BTRC: variants seen among roughly 807,000 people sequenced by gnomAD.
BTRC encodes beta-transducin repeat containing E3 ubiquitin protein ligase, also known as F-box/WD repeat-containing protein 1A.
In BTRC, 42 loss-of-function variants were observed where a neutral mutation model predicts 85.5. That is an observed-to-expected ratio of 0.49 (90% CI 0.38 to 0.64). The LOEUF (loss-of-function observed/expected upper bound fraction) is 0.64. Ranked by LOEUF, BTRC falls within the 30% of genes least tolerant of loss-of-function variation. The probability of loss-of-function intolerance (pLI) is 0.00; values close to 1 mark genes in which losing one functional copy is unlikely to be tolerated. For missense variants in BTRC, 594 were observed against 743.5 expected, an observed-to-expected ratio of 0.80 and a Z score of 2.34; for synonymous variants, 255 against 263.3, an observed-to-expected ratio of 0.97 and a Z score of 0.30.
At chr10:101,438,761 AT>A (rs1321052770) in intron 2 of BTRC, among the ~76,000 whole-genome samples, 1 of 152,222 alleles carries the variant, frequency 6.6e-6, no homozygotes, top group South Asian at 2.1e-4. Flanking sequence ...GCAGGTCATT[AT>A]TTTTTTAAGC....
At chr10:101,465,097 T>C (rs1214820010) in intron 3 of BTRC, among the ~76,000 whole-genome samples, 5 of 152,148 alleles carry the variant, frequency 3.3e-5, no homozygotes, top group Admixed American at 6.5e-5. Context: ...TGCTATTTTG[T>C]TTTTTTGTTT....
chr10:101,366,939 T>TATATATATTTATATATATATTTATATAA (rs1942442296), intron 1 of BTRC, among the ~76,000 whole-genome samples: 1 of 7,860 alleles, frequency 1.3e-4, no homozygotes. Flanking sequence ...TATATATATT[T>TATATATATTTATATATATATTTATATAA]ATATATATTT....
intron 1 of BTRC, among the ~76,000 whole-genome samples, chr10:101,401,002 A>G (rs556646843): frequency 2.6e-5 from 4 of 152,312 alleles, no homozygotes; most frequent in African/African-American, 9.6e-5. Context: ...ATCATCAGAA[A>G]TTGTGTAACC....
At chr10:101,427,866 T>C (rs1028179250) in intron 1 of BTRC, among the ~76,000 whole-genome samples, 16 of 152,196 alleles carry the variant, frequency 1.1e-4, no homozygotes, top group African/African-American at 3.9e-4. Flanking sequence ...ATTTAATAAG[T>C]ATTTATTGAA....
At chr10:101,427,952 G>A (rs566682555) in intron 1 of BTRC, among the ~76,000 whole-genome samples, 20 of 152,192 alleles carry the variant, frequency 1.3e-4, no homozygotes, top group Admixed American at 9.8e-4. Context: ...TTCTTAATAC[G>A]TATAAAGAAG....
chr10:101,444,679 C>T (rs1413150418), intron 2 of BTRC, among the ~76,000 whole-genome samples: 5 of 152,136 alleles, frequency 3.3e-5, no homozygotes, highest in Non-Finnish European at 4.4e-5. Context: ...AAAAAGAATA[C>T]AATTACAAAT....
intron 4 of BTRC, among the ~76,000 whole-genome samples, chr10:101,487,890 T>C (rs1222717326): frequency 6.6e-6 from 1 of 152,234 alleles, no homozygotes; most frequent in African/African-American, 2.4e-5. Flanking sequence ...TTTCTTGCTG[T>C]GTACAGGCAT....
intron 5 of BTRC, among the ~76,000 whole-genome samples, chr10:101,523,840 C>A (rs928756133): frequency 2.0e-5 from 3 of 151,854 alleles, no homozygotes; most frequent in African/African-American, 7.3e-5. Flanking sequence ...ATTATTTAAC[C>A]CCTTTATTGA....
intron 3 of BTRC, among the ~76,000 whole-genome samples, chr10:101,470,120 T>TGA: frequency 6.6e-6 from 1 of 152,198 alleles, no homozygotes; most frequent in East Asian, 1.9e-4. Flanking sequence ...TGAAGTATCT[T>TGA]TTAAGTTTTT....
intron 1 of BTRC, among the ~76,000 whole-genome samples, chr10:101,379,843 C>T (rs1942884557): frequency 6.6e-6 from 1 of 152,084 alleles, no homozygotes; most frequent in Admixed American, 6.6e-5. Flanking sequence ...ATAAAACTGA[C>T]ATTCACATTT....
chr10:101,536,140 G>A (rs758228235), intron 11 of BTRC, among the ~76,000 whole-genome samples: 7 of 152,220 alleles, frequency 4.6e-5, no homozygotes, highest in African/African-American at 1.7e-4. Context: ...AGTGTCTGCC[G>A]TGGCAGAGGG....
chr10:101,366,984 T>TTA lies in BTRC; in HGVS notation c.48+12764_48+12765dup, dbSNP rs1159970128. Among the ~76,000 whole-genome samples the TTA allele has an allele frequency of 4.7e-5, 3 of 63,488 alleles. 1 individual carries two copies. The highest frequency in any genetic ancestry group is 3.1e-4 in the East Asian group (1 of 3,244). 41.7% of individuals were successfully genotyped at this position (63,488 alleles called of 152,430 possible). A position where few individuals can be genotyped will look rare whatever the true frequency, so the allele number is the denominator to read the frequency against. ...TTTATATAAATATATATTTATATAT[T>TTA]TATATATATTAATATATATATTTAT... On this transcript the variant is annotated intron_variant, in intron 1 of 14. Coordinates refer to ENST00000370187, the MANE Select transcript of BTRC (RefSeq NM_033637.4).
chr10:101,366,190 A>G (rs1427974162), intron 1 of BTRC, among the ~76,000 whole-genome samples: 1 of 152,142 alleles, frequency 6.6e-6, no homozygotes, highest in East Asian at 1.9e-4. Context: ...AGTACTTGGC[A>G]ATAAAGTATA....
chr10:101,448,985 A>G (rs1179888019), intron 2 of BTRC, among the ~76,000 whole-genome samples: 1 of 152,024 alleles, frequency 6.6e-6, no homozygotes, highest in South Asian at 2.1e-4. Flanking sequence ...TTAGTTGGGA[A>G]GGACACAGTA....
intron 1 of BTRC, among the ~76,000 whole-genome samples, chr10:101,408,311 T>C (rs1318718809): frequency 2.6e-5 from 4 of 152,112 alleles, no homozygotes; most frequent in Admixed American, 2.6e-4. Context: ...TTTTTAAATT[T>C]ATTTTCTTTT....
At chr10:101,447,610 G>T (rs1017131987) in intron 2 of BTRC, among the ~76,000 whole-genome samples, 1 of 152,056 alleles carries the variant, frequency 6.6e-6, no homozygotes, top group African/African-American at 2.4e-5. Flanking sequence ...CTCTGTAGTG[G>T]TATTTTCCAT....
At chr10:101,354,488 C>T (rs900102890) in intron 1 of BTRC, 2 of 496,364 alleles carry the variant, frequency 4.0e-6, no homozygotes, top group Non-Finnish European at 7.1e-6. Context: ...GAGGGGGCTC[C>T]AGGCGGCGCG....
intron 4 of BTRC, among the ~76,000 whole-genome samples, chr10:101,492,022 A>T (rs185579259): frequency 5.4e-4 from 82 of 152,182 alleles, no homozygotes; most frequent in Admixed American, 1.3e-3. Context: ...GAAATGCTTG[A>T]CAGTTAAGGG....
intron 2 of BTRC, among the ~76,000 whole-genome samples, chr10:101,446,780 G>A (rs920251446): frequency 5.3e-5 from 8 of 152,024 alleles, no homozygotes; most frequent in African/African-American, 1.9e-4. Context: ...AGGCATATGA[G>A]CAAAACTTTA....
Sources: gnomAD v4.1 joint callset for allele counts (sites outside exome capture counted in the v4.1 genomes callset) on GRCh38, gnomAD v4.1.1 for gene constraint, MANE v1.5 for transcripts, NCBI Gene and HGNC (gene_info 2026-07-23, HGNC 2026-07-21) for gene names.